Variants in GJA8 observed in about 807,000 individuals in gnomAD.
GJA8 encodes the protein gap junction alpha-8 protein.
In GJA8, 13 loss-of-function variants were observed where a neutral mutation model predicts 15.3. That is an observed-to-expected ratio of 0.85 (90% CI 0.55 to 1.35). The LOEUF is 1.35. Ranked by LOEUF, GJA8 falls within the 40% of genes most tolerant of loss-of-function variation. The probability of loss-of-function intolerance (pLI) is 0.00; values close to 1 mark genes in which losing one functional copy is unlikely to be tolerated. For synonymous variants in GJA8, 304 were observed against 238.7 expected (o/e 1.27, Z -2.52); for missense variants, 607 against 553.3 (o/e 1.10, Z -0.97).
At chr1:147,907,408 T>C (rs1253889432) in intron 1 of GJA8, among the ~76,000 whole-genome samples, 2 of 152,164 alleles carry the variant, frequency 1.3e-5, no homozygotes, top group Non-Finnish European at 2.9e-5. Flanking sequence ...CTAATCCCCT[T>C]CCACTTCCCT....
At chr1:147,914,307 A>G in the GJA8 span, among the ~76,000 whole-genome samples, 1 of 152,320 alleles carries the variant, frequency 6.6e-6, no homozygotes, top group East Asian at 1.9e-4. Flanking sequence ...ACAAAGTGGT[A>G]AAGACTCAGT....
At position 147,907,980 on chromosome 1, in the gene GJA8, A is replaced by G. The variant is rs1000758400; in HGVS notation, c.25A>G (p.Asn9Asp). The change falls in exon 2 of 2, where the codon AAC (asparagine) becomes GAC (aspartate). Residue 9 changes from asparagine (N) to aspartate (D), a missense_variant. Transcript: ENST00000369235. ...AATGGGCGACTGGAGTTTCCTGGGG[A>G]ACATCTTGGAGGAGGTGAATGAGCA... The part of the protein sequence containing the change: MGDWSFLG[N>D]ILEEVNEHST... The G allele has an allele frequency of 6.2e-7, 1 of 1,613,782 alleles. No homozygotes were observed. The highest frequency in any genetic ancestry group is 1.3e-5 in the African/African-American group (1 of 74,884).
At chr1:147,911,108 A>T (rs1431345775), downstream of GJA8, among the ~76,000 whole-genome samples, 1 of 152,194 alleles carries the variant, frequency 6.6e-6, no homozygotes, top group Admixed American at 6.5e-5. Flanking sequence ...ATAGGGTAGG[A>T]GGTATAGAAA....
chr1:147,908,054 G>A lies in GJA8; in HGVS notation c.99G>A (p.Arg33=). The A allele has an allele frequency of 6.2e-7, 1 of 1,614,108 alleles. No homozygotes were observed. The part of the protein sequence containing the change: ...RVWLTVLFIF[R]ILILGTAAEF... ...GGCTCACCGTGCTTTTCATCTTCCG[G>A]ATCCTCATCCTTGGCACGGCCGCAG... Residue 33 remains arginine (R), a synonymous_variant, in exon 2 of 2, where the codon CGG becomes CGA. Transcript: ENST00000369235.
rs782125496 is a variant in GJA8, at chr1:147,908,321, C to T, written c.366C>T (p.Gly122=). ...TGGGCCAGCAGGCGGGGACTAACGG[C>T]GGCCCGGACCAGGGCAGCGTCAAGA... ...EELGQQAGTN[G]GPDQGSVKKS... The change falls in exon 2 of 2, where the codon GGC becomes GGT. Residue 122 remains glycine (G), a synonymous_variant. Transcript: ENST00000369235. The T allele has an allele frequency of 4.3e-6, 7 of 1,614,066 alleles. No homozygotes were observed. The highest frequency in any genetic ancestry group is 4.0e-5 in the African/African-American group (3 of 74,938).
chr1:147,908,160 G>C lies in GJA8; in HGVS notation c.205G>C (p.Ala69Pro). The stretch of plus-strand genomic sequence containing the variant: ...CTGCGAGAACGTCTGCTACGACGAG[G>C]CCTTTCCCATCTCCCACATTCGCCT... ...PGCENVCYDE[A>P]FPISHIRLWV... Residue 69 changes from alanine to proline, a missense_variant, in exon 2 of 2, where the codon GCC (alanine) becomes CCC (proline). Ala to Pro is a conservative substitution (Grantham distance 27, BLOSUM62 -1). Transcript: ENST00000369235. 6.2e-7 allele frequency: 1 copy of C among 1,614,228 alleles called. No individual in the cohort carries two copies.
At chr1:147,906,039 C>A (rs1157361199) in intron 1 of GJA8, among the ~76,000 whole-genome samples, 1 of 152,242 alleles carries the variant, frequency 6.6e-6, no homozygotes, top group Non-Finnish European at 1.5e-5. Context: ...ATTGCAGATG[C>A]CTGCAATTAG....
At chr1:147,905,193 G>A (rs914328424) in intron 1 of GJA8, among the ~76,000 whole-genome samples, 6 of 152,166 alleles carry the variant, frequency 3.9e-5, no homozygotes, top group African/African-American at 1.4e-4. Flanking sequence ...GGAATTTGGG[G>A]ATTGAGAATT....
At chr1:147,912,165 G>A (rs150197211), downstream of GJA8, among the ~76,000 whole-genome samples, 38 of 152,260 alleles carry the variant, frequency 2.5e-4, no homozygotes, top group East Asian at 6.6e-3. Flanking sequence ...ACATCCAGGG[G>A]TGTCCTAAAG....
In GJA8 at chr1:147,909,204, A is replaced by G; in HGVS notation, c.1249A>G (p.Ser417Gly). The change falls in exon 2 of 2, where the codon AGC becomes GGC. Residue 417 changes from serine (S) to glycine (G), a missense_variant. Coordinates refer to ENST00000369235, the MANE Select transcript of GJA8 (RefSeq NM_005267.5). Reference sequence around the variant, plus strand: ...GACAACAGATGATGCCAGACCCCTGAGCAGGCTAAGCAAAGCCAGCAGCCG... The same window carrying G: ...GACAACAGATGATGCCAGACCCCTGGGCAGGCTAAGCAAAGCCAGCAGCCG... ...ELTTDDARPLSRLSKASSRAR... is the reference protein window; with the variant it reads ...ELTTDDARPLGRLSKASSRAR... 1.3e-6 allele frequency: 2 copies of G among 1,583,242 alleles called. No individual in the cohort carries two copies. Among genetic ancestry groups the G allele is most frequent in the Non-Finnish European group, 1.7e-6 (2 of 1,160,694 alleles).
chr1:147,906,427 G>A (rs587721404), intron 1 of GJA8, among the ~76,000 whole-genome samples: 1 of 152,324 alleles, frequency 6.6e-6, no homozygotes, highest in South Asian at 2.1e-4. Flanking sequence ...AGCCATTGCT[G>A]TGCTACAGGC....
Position 147,909,238 on chromosome 1 carries a change from C to T in GJA8, c.1283C>T (p.Ser428Leu). ...RLSKASSRAR[S>L]DDLTV ...AGCAAAGCCAGCAGCCGAGCCAGGT[C>T]AGACGATCTAACCGTATGAAGTGAC... The change falls in exon 2 of 2, where the codon TCA becomes TTA. Residue 428 changes from serine to leucine, a missense_variant. Transcript: ENST00000369235. The T allele has an allele frequency of 6.9e-7, 1 of 1,455,676 alleles. No individual in the cohort carries two copies. Among genetic ancestry groups the T allele is most frequent in the Non-Finnish European group, 9.4e-7 (1 of 1,060,576 alleles). The allele number at this position is 1,455,676 out of a possible 1,614,324, so 90.2% of individuals were successfully genotyped here.
chr1:147,911,482 G>C (rs1040500610), downstream of GJA8, among the ~76,000 whole-genome samples: 1 of 152,124 alleles, frequency 6.6e-6, no homozygotes, highest in Non-Finnish European at 1.5e-5. Flanking sequence ...TTTTTACCTA[G>C]GTAACCCAAA....
At chr1:147,902,968 C>T (rs1651663369) in intron 1 of GJA8, among the ~76,000 whole-genome samples, 107 bp downstream of exon 1, 1 of 152,086 alleles carries the variant, frequency 6.6e-6, no homozygotes, top group African/African-American at 2.4e-5. Flanking sequence ...AAAAGGTTGC[C>T]AATAAGATTC....
chr1:147,914,252 G>T (rs1395050903), downstream of GJA8, among the ~76,000 whole-genome samples: 1 of 152,194 alleles, frequency 6.6e-6, no homozygotes, highest in East Asian at 1.9e-4. Context: ...GAAGGGAAAA[G>T]TAGATGACCC....
At chr1:147,914,168 C>T (rs1226223111), downstream of GJA8, among the ~76,000 whole-genome samples, 1 of 152,190 alleles carries the variant, frequency 6.6e-6, no homozygotes, top group Non-Finnish European at 1.5e-5. Context: ...ATCCCATAGT[C>T]TCCAACGCCA....
chr1:147,910,456 T>C (rs1262357396), downstream of GJA8, among the ~76,000 whole-genome samples: 6 of 152,212 alleles, frequency 3.9e-5, no homozygotes, highest in African/African-American at 1.2e-4. Context: ...TTTTGGCTCA[T>C]TGTAGCCCCT....
chr1:147,902,943 G>A (rs1456351698), intron 1 of GJA8, among the ~76,000 whole-genome samples, 82 bp downstream of exon 1: 1 of 152,140 alleles, frequency 6.6e-6, no homozygotes, highest in African/African-American at 2.4e-5. Context: ...CCATATATAG[G>A]CTTCTCCAAA....
At chr1:147,909,974 C>T (rs782212888), downstream of GJA8, among the ~76,000 whole-genome samples, 3 of 152,118 alleles carry the variant, frequency 2.0e-5, no homozygotes, top group Admixed American at 1.3e-4. Context: ...ATCCTCTCAC[C>T]TTAGCCTCCC....
Sources: allele counts gnomAD v4.1 joint callset (sites outside exome capture counted in the v4.1 genomes callset), GRCh38; gene constraint gnomAD v4.1.1; transcripts MANE v1.5; gene names NCBI Gene and HGNC (gene_info 2026-07-23, HGNC 2026-07-21).